The following ZNG1A variants were observed in gnomAD, a reference collection of about 807,000 sequenced individuals.
The protein encoded by ZNG1A is Zn regulated GTPase metalloprotein activator 1A, also known as zinc-regulated GTPase metalloprotein activator 1A.
At chr9:125,083 T>A in the ZNG1A span, among the ~76,000 whole-genome samples, 2 of 152,216 alleles carry the variant, frequency 1.3e-5, no homozygotes, top group Non-Finnish European at 2.9e-5. Flanking sequence ...AGTAGTGGGA[T>A]TGCTGGACCA....
At chr9:156,794 C>T in the ZNG1A span, among the ~76,000 whole-genome samples, 1 of 151,702 alleles carries the variant, frequency 6.6e-6, no homozygotes, top group Admixed American at 6.6e-5. Context: ...TTTTCTTTTA[C>T]TTAAAAGGAA....
At chr9:140,028 G>T in the ZNG1A span, among the ~76,000 whole-genome samples, 3 of 150,478 alleles carry the variant, frequency 2.0e-5, no homozygotes, top group Admixed American at 6.6e-5. Flanking sequence ...ACAGAGTCTC[G>T]CTGATTGCTA....
chr9:139,971 G>A, the ZNG1A span, among the ~76,000 whole-genome samples: 3 of 150,514 alleles, frequency 2.0e-5, no homozygotes, highest in Admixed American at 1.3e-4. Flanking sequence ...AAAAAACGGC[G>A]CACCACGAGA....
At chr9:174,008 G>A in the ZNG1A span, among the ~76,000 whole-genome samples, 1 of 151,988 alleles carries the variant, frequency 6.6e-6, no homozygotes, top group Non-Finnish European at 1.5e-5. Context: ...TTAGCCAGGT[G>A]TGGTAGCGGG....
chr9:121,405 A>G, the ZNG1A span: 1 of 969,350 alleles, frequency 1.0e-6, no homozygotes, highest in Admixed American at 1.8e-5. Context: ...AAATGCTTGA[A>G]ATATACCCAG....
At chr9:168,615 T>C in the ZNG1A span, among the ~76,000 whole-genome samples, 2 of 149,142 alleles carry the variant, frequency 1.3e-5, no homozygotes, top group African/African-American at 5.1e-5. Flanking sequence ...TTTAGGACTT[T>C]CATAGCTATA....
chr9:136,100 C>CAAAA, the ZNG1A span, among the ~76,000 whole-genome samples: 2 of 58,086 alleles, frequency 3.4e-5, no homozygotes, highest in African/African-American at 4.4e-5. Flanking sequence ...TCATACGCAG[C>CAAAA]AAAAAAAAAA....
chr9:172,165 C>T, the ZNG1A span: 6 of 1,611,012 alleles, frequency 3.7e-6, no homozygotes, highest in Admixed American at 5.0e-5. Flanking sequence ...GCTCTAAGGC[C>T]ACTGTCCCTG....
At chr9:154,643 G>A in the ZNG1A span, 1 of 1,159,078 alleles carries the variant, frequency 8.6e-7, no homozygotes, top group East Asian at 2.3e-5. Flanking sequence ...GCAACAATCA[G>A]AGTAAAAAAT....
the ZNG1A span, chr9:153,805 A>T: frequency 6.7e-6 from 1 of 149,856 alleles, no homozygotes. Flanking sequence ...ATGAACTGAG[A>T]TGACAGATTC....
At chr9:171,350 A>ATGGTATGGGTCAG in the ZNG1A span, among the ~76,000 whole-genome samples, 12 of 152,138 alleles carry the variant, frequency 7.9e-5, no homozygotes, top group Admixed American at 7.2e-4. Flanking sequence ...AAAAAAAATA[A>ATGGTATGGGTCAG]TGGTATGGGT....
the ZNG1A span, among the ~76,000 whole-genome samples, chr9:131,705 T>C: frequency 0.21 from 31,237 of 145,554 alleles, 3,850 homozygotes; most frequent in East Asian, 0.42. Context: ...TTCAGGCAAG[T>C]CTACTGGTGA....
At chr9:145,748 A>C in the ZNG1A span, among the ~76,000 whole-genome samples, 2 of 151,844 alleles carry the variant, frequency 1.3e-5, no homozygotes, top group Admixed American at 1.3e-4. Context: ...AAAAAATAAA[A>C]AAATAAAGTG....
chr9:154,351 T>C, the ZNG1A span: 1 of 376,482 alleles, frequency 2.7e-6, no homozygotes, highest in South Asian at 8.8e-5. Context: ...ACATTACGAG[T>C]AAAGACAGGA....
the ZNG1A span, chr9:172,019 A>G: frequency 1.2e-6 from 2 of 1,607,470 alleles, no homozygotes; most frequent in Non-Finnish European, 1.7e-6. Context: ...TATTCCTCTA[A>G]TACATCTATT....
At chr9:160,022 A>G in the ZNG1A span, 24 of 454,112 alleles carry the variant, frequency 5.3e-5, 1 homozygote, top group East Asian at 1.7e-3. Context: ...AACTTCATTC[A>G]TTGCTTCTAT....
chr9:154,187 A>G, the ZNG1A span: 1 of 157,078 alleles, frequency 6.4e-6, no homozygotes, highest in African/African-American at 2.4e-5. Context: ...GTTAAGGAAG[A>G]TGAAGTCAAC....
the ZNG1A span, chr9:154,902 C>T: frequency 1.2e-5 from 13 of 1,124,932 alleles, no homozygotes; most frequent in African/African-American, 7.8e-5. Flanking sequence ...AATAAAAACG[C>T]CTCATGTAGA....
chr9:130,027 G>A, the ZNG1A span, among the ~76,000 whole-genome samples: 2 of 150,342 alleles, frequency 1.3e-5, no homozygotes, highest in South Asian at 4.2e-4. Context: ...ACAGTGTATG[G>A]AAATAATAAC....
Sources: gnomAD v4.1 joint callset for allele counts (sites outside exome capture counted in the v4.1 genomes callset) on GRCh38, gnomAD v4.1.1 for gene constraint, MANE v1.5 for transcripts, NCBI Gene and HGNC (gene_info 2026-07-23, HGNC 2026-07-21) for gene names.